ASIP: variants seen among roughly 807,000 people sequenced by gnomAD.
ASIP encodes the protein agouti signaling protein, also known as agouti-signaling protein.
In ASIP, 11 loss-of-function variants were observed where a neutral mutation model predicts 10.3. The ratio of observed to expected loss-of-function variants is 1.07; its 90% confidence interval spans 0.68 to 1.78. The LOEUF is 1.78. Among genes scored for constraint, ASIP ranks in the 40% most tolerant of loss-of-function variants. ASIP has a pLI of 0.00. For missense variants in ASIP, 180 were observed against 169.2 expected (o/e 1.06, Z -0.35); for synonymous variants, 70 against 70.8 (o/e 0.99, Z 0.06).
At chr20:34,235,852 G>A (rs956063952) in intron 1 of ASIP, among the ~76,000 whole-genome samples, 462 of 39,116 alleles carry the variant, frequency 0.012, 7 homozygotes, top group African/African-American at 0.017. Context: ...AAGGAAGGAA[G>A]GAAGGAAGGA....
At chr20:34,190,058 A>G (rs2034815767), upstream of ASIP, among the ~76,000 whole-genome samples, 3 of 152,220 alleles carry the variant, frequency 2.0e-5, no homozygotes, top group Admixed American at 2.0e-4. Context: ...AGCGCCATGG[A>G]CCAGCTATGC....
At chr20:34,258,199 T>C (rs1368012875) in intron 1 of ASIP, among the ~76,000 whole-genome samples, 2 of 151,914 alleles carry the variant, frequency 1.3e-5, no homozygotes, top group East Asian at 1.9e-4. Flanking sequence ...CATCGGTTAG[T>C]AGATATTGAT....
rs571316936 is a variant in ASIP at position 34,214,096 on chromosome 20, C to T, written c.-11+19336C>T. 6.8e-6 allele frequency: 8 copies of T among 1,172,708 alleles called. No individual in the cohort carries two copies. The East Asian group carries it at 9.3e-5, about 14-fold the overall frequency. 72.6% of individuals were successfully genotyped at this position (1,172,708 alleles called of 1,614,324 possible). ...TGTCTCATAAATAAAATTTGATCATCGCTGCTCAGGAAGGACTGGTGGCCA... is the reference window on the plus strand; with the variant it reads ...TGTCTCATAAATAAAATTTGATCATTGCTGCTCAGGAAGGACTGGTGGCCA... On this transcript the variant is annotated intron_variant, in intron 1 of 3. Transcript: ENST00000568305.
intron 1 of ASIP, chr20:34,213,442 G>T (rs1165395176): frequency 1.0e-6 from 1 of 985,664 alleles, no homozygotes; most frequent in Non-Finnish European, 1.5e-6. Context: ...CTTTGGAATT[G>T]AGTCATAGGT....
intron 1 of ASIP, among the ~76,000 whole-genome samples, chr20:34,258,346 C>CTT (rs56005855): frequency 0.13 from 17,587 of 138,328 alleles, 1,113 homozygotes; most frequent in East Asian, 0.22. Flanking sequence ...GTTGGATATT[C>CTT]TTTTTTTTTT....
At chr20:34,215,119 A>G (rs1220263499) in intron 1 of ASIP, 46 of 1,579,564 alleles carry the variant, frequency 2.9e-5, no homozygotes, top group African/African-American at 5.4e-5. Context: ...CATTTTATCA[A>G]CAGGGTCCAT....
At chr20:34,258,770 ATATATATAG>A (rs1194753330) in intron 1 of ASIP, among the ~76,000 whole-genome samples, 1 of 90,300 alleles carries the variant, frequency 1.1e-5, no homozygotes, top group Non-Finnish European at 1.9e-5. Context: ...GATATATATA[ATATATATAG>A]TATATATATA....
In ASIP at chr20:34,269,029, C is replaced by G. The variant is rs1337936367; in HGVS notation, c.261C>G (p.Thr87=). 61 of 1,608,010 alleles carry G rather than the reference C, an allele frequency of 3.8e-5. No individual in the cohort carries two copies. Among genetic ancestry groups the G allele is most frequent in the African/African-American group, 5.3e-5 (4 of 74,808 alleles). Residue 87 remains threonine, a synonymous_variant, in exon 4 of 4, where the codon ACC becomes ACG. Coordinates refer to ENST00000374954, the MANE Select transcript of ASIP (RefSeq NM_001672.3). The part of the protein sequence containing the change: ...ASMKKVVRPR[T]PLSAPCVATR... Reference sequence around the variant, plus strand: ...TGAAGAAAGTGGTGCGGCCCCGGACCCCCCTATCTGCGCCCTGCGTGGCCA... The same window carrying G: ...TGAAGAAAGTGGTGCGGCCCCGGACGCCCCTATCTGCGCCCTGCGTGGCCA...
intron 1 of ASIP, chr20:34,215,038 A>T: frequency 6.7e-7 from 1 of 1,486,026 alleles, no homozygotes; most frequent in East Asian, 2.3e-5. Context: ...AAAGAAGTCA[A>T]CATCTTCTTC....
chr20:34,259,196 A>C (rs1389279033), intron 1 of ASIP, among the ~76,000 whole-genome samples: 1 of 135,726 alleles, frequency 7.4e-6, no homozygotes, highest in African/African-American at 3.0e-5. Flanking sequence ...GGTGACAGTG[A>C]GACTCTGTCT....
At chr20:34,219,414 C>G (rs1959666875) in intron 1 of ASIP, among the ~76,000 whole-genome samples, 1 of 152,186 alleles carries the variant, frequency 6.6e-6, no homozygotes, top group South Asian at 2.1e-4. Flanking sequence ...AAAGGCCACA[C>G]CCAAGACCAG....
chr20:34,204,306 C>T (rs561288455), intron 1 of ASIP, among the ~76,000 whole-genome samples: 32 of 151,318 alleles, frequency 2.1e-4, no homozygotes, highest in African/African-American at 5.8e-4. Context: ...CCGCAACCTC[C>T]GCCTCGTGGG....
intron 1 of ASIP, among the ~76,000 whole-genome samples, chr20:34,212,699 A>T (rs1055115850): frequency 6.6e-6 from 1 of 152,156 alleles, no homozygotes; most frequent in Non-Finnish European, 1.5e-5. Flanking sequence ...AGGAAAAAAA[A>T]TTCTTCTTTT....
intron 1 of ASIP, among the ~76,000 whole-genome samples, chr20:34,255,571 G>A (rs1010320672): frequency 6.6e-6 from 1 of 152,200 alleles, no homozygotes; most frequent in Non-Finnish European, 1.5e-5. Context: ...GATTATAGAT[G>A]TGATTATATA....
intron 1 of ASIP, among the ~76,000 whole-genome samples, chr20:34,259,445 G>A (rs1254954965): frequency 2.0e-5 from 3 of 150,782 alleles, no homozygotes; most frequent in Non-Finnish European, 4.4e-5. Context: ...CCTGGGAGGA[G>A]GAGGTTGCAG....
chr20:34,262,703 C>T (rs2035715219), intron 2 of ASIP, 129 bp from the exon 3 acceptor site: 4 of 974,686 alleles, frequency 4.1e-6, no homozygotes, highest in African/African-American at 3.2e-5. Flanking sequence ...TACAGTGTGA[C>T]TCATCCAGCA....
At chr20:34,212,068 T>A (rs1379164680) in intron 1 of ASIP, among the ~76,000 whole-genome samples, 1 of 152,212 alleles carries the variant, frequency 6.6e-6, no homozygotes, top group African/African-American at 2.4e-5. Flanking sequence ...CTTTTCTGTA[T>A]TTTTCATCAT....
chr20:34,193,922 A>C (rs549545711), upstream of ASIP, among the ~76,000 whole-genome samples: 1 of 152,308 alleles, frequency 6.6e-6, no homozygotes, highest in African/African-American at 2.4e-5. Flanking sequence ...GTGGCTGACA[A>C]CCAGGTTATT....
intron 3 of ASIP, 30 bp downstream of exon 3, chr20:34,262,923 A>G (rs746458725): frequency 6.2e-7 from 1 of 1,612,494 alleles, no homozygotes; most frequent in Admixed American, 1.7e-5. Flanking sequence ...GGGAGTTCTC[A>G]TTGTTGGGGT....
Sources: allele counts gnomAD v4.1 joint callset (sites outside exome capture counted in the v4.1 genomes callset), GRCh38; gene constraint gnomAD v4.1.1; transcripts MANE v1.5; gene names NCBI Gene and HGNC (gene_info 2026-07-23, HGNC 2026-07-21).